The following EFCAB13 variants were observed in gnomAD, a reference collection of about 807,000 sequenced individuals.
EFCAB13 encodes EF-hand calcium-binding domain-containing protein 13.
A neutral mutation model predicts 110.2 loss-of-function variants in EFCAB13; 91 were observed. The ratio of observed to expected loss-of-function variants is 0.83; its 90% CI spans 0.70 to 0.98. EFCAB13 has a LOEUF of 0.98. Ranked by LOEUF, EFCAB13 falls within the 50% of genes least tolerant of loss-of-function variation. EFCAB13 has a pLI of 0.00. For synonymous variants in EFCAB13, 323 were observed against 369.9 expected (o/e 0.87, Z 1.45); for missense variants, 968 against 1,119.4 (o/e 0.86, Z 1.93).
rs139343555 is a variant in EFCAB13 at position 47,392,238 on chromosome 17, G to A, written c.1726+658G>A. On this transcript the variant is annotated intron_variant, in intron 15 of 24. Coordinates refer to ENST00000331493, the MANE Select transcript of EFCAB13 (RefSeq NM_152347.5). ...ACCTGTATAGAGAAAATAAGACTAT[G>A]TGAAGACATTAAAATCTAGATAAAT... Among the ~76,000 whole-genome samples, 653 of 152,264 alleles carry A rather than the reference G, an allele frequency of 4.3e-3. 19 individuals are homozygous for A. In the East Asian group the frequency reaches 0.065, roughly 15 times the overall value.
chr17:47,339,699 C>CAAA (rs60578114), intron 5 of EFCAB13, among the ~76,000 whole-genome samples: 870 of 77,312 alleles, frequency 0.011, 7 homozygotes, highest in African/African-American at 0.038. Context: ...GACTCCATCT[C>CAAA]AAAAAAAAAA....
chr17:47,361,268 C>T, intron 9 of EFCAB13, 110 bp from the exon 10 acceptor site: 1 of 932,496 alleles, frequency 1.1e-6, no homozygotes. Context: ...ATTTATAAAA[C>T]CCTGTGCTTA....
chr17:47,352,394 G>A (rs953341281), intron 9 of EFCAB13, among the ~76,000 whole-genome samples: 2 of 151,990 alleles, frequency 1.3e-5, no homozygotes, highest in Non-Finnish European at 2.9e-5. Context: ...CAAAGATCAG[G>A]TGGCTATAGA....
intron 14 of EFCAB13, among the ~76,000 whole-genome samples, chr17:47,384,171 T>G (rs1478550303): frequency 1.3e-5 from 2 of 150,812 alleles, no homozygotes; most frequent in Non-Finnish European, 2.9e-5. Flanking sequence ...TTTTTTTTTT[T>G]GCTTTCCATT....
chr17:47,418,816 C>T (rs1904536595), intron 23 of EFCAB13, among the ~76,000 whole-genome samples: 1 of 152,078 alleles, frequency 6.6e-6, no homozygotes, highest in South Asian at 2.1e-4. Flanking sequence ...GTTCTTTCTC[C>T]ACTGAATGAT....
chr17:47,345,436 A>G (rs1410976446), intron 8 of EFCAB13, among the ~76,000 whole-genome samples: 1 of 152,122 alleles, frequency 6.6e-6, no homozygotes, highest in Non-Finnish European at 1.5e-5. Flanking sequence ...TTGGTATCTT[A>G]GTATTAAGGC....
chr17:47,431,043 T>C lies in EFCAB13; in HGVS notation c.2638+1082T>C, dbSNP rs1336131619. Among the ~76,000 whole-genome samples the C allele has an allele frequency of 6.6e-6, 1 of 152,112 alleles. No homozygotes were observed. The highest frequency in any genetic ancestry group is 1.5e-5 in the Non-Finnish European group (1 of 67,966). Reference sequence around the variant, plus strand: ...GTGATATTTTGATACAAGTATTCAATATATAATGATCAAATCAGGATAGTT... The same window carrying C: ...GTGATATTTTGATACAAGTATTCAACATATAATGATCAAATCAGGATAGTT... On this transcript the variant is annotated intron_variant, in intron 24 of 24. Coordinates refer to ENST00000331493, the MANE Select transcript of EFCAB13 (RefSeq NM_152347.5). This position sits in a 1 kb window ranked among gnomAD's most constrained non-coding sequence, Gnocchi z 4.1.
In EFCAB13 at chr17:47,332,231, TGTCA is replaced by T. The variant is rs1242866348; in HGVS notation, c.31-2962_31-2959del. ...TCACATCCTTGCCAGCATTTGTTGT[TGTCA>T]GTGTTTTGGGTTATTGCCATTCTTT... On this transcript the variant is annotated intron_variant, in intron 4 of 24. Coordinates refer to ENST00000331493, the MANE Select transcript of EFCAB13 (RefSeq NM_152347.5). 2.0e-5 allele frequency among the ~76,000 whole-genome samples: 3 copies of T among 152,280 alleles called. No individual in the cohort carries two copies. In the East Asian group the frequency reaches 5.8e-4, roughly 29 times the overall value.
chr17:47,389,333 C>T (rs1352011628), intron 14 of EFCAB13, among the ~76,000 whole-genome samples: 2 of 152,296 alleles, frequency 1.3e-5, no homozygotes, highest in African/African-American at 4.8e-5. Context: ...ACTGTACTCC[C>T]AAGCGTATAG....
At chr17:47,376,289 C>T (rs893547354) in intron 12 of EFCAB13, among the ~76,000 whole-genome samples, 5 of 152,078 alleles carry the variant, frequency 3.3e-5, no homozygotes, top group African/African-American at 1.2e-4. Flanking sequence ...CTACTTTGTG[C>T]CTCATTTGAA....
intron 10 of EFCAB13, among the ~76,000 whole-genome samples, chr17:47,366,923 T>G (rs191562009): frequency 1.3e-3 from 191 of 152,334 alleles, no homozygotes; most frequent in African/African-American, 4.3e-3. Flanking sequence ...GAAGAGCAGG[T>G]AAAAGCAAGA....
intron 4 of EFCAB13, among the ~76,000 whole-genome samples, chr17:47,333,284 A>G (rs2065330568): frequency 6.6e-6 from 1 of 152,038 alleles, no homozygotes; most frequent in Non-Finnish European, 1.5e-5. Context: ...TTGATTGGAT[A>G]GTTTGTTTTC....
At chr17:47,341,288 G>A (rs2065383091) in intron 5 of EFCAB13, 2 of 152,206 alleles carry the variant, frequency 1.3e-5, no homozygotes, top group South Asian at 4.2e-4. Flanking sequence ...TGACATTTAC[G>A]AGACAACTGG....
intron 23 of EFCAB13, among the ~76,000 whole-genome samples, chr17:47,420,215 C>G (rs539183860): frequency 3.2e-4 from 48 of 152,352 alleles, no homozygotes; most frequent in Middle Eastern, 3.4e-3. Context: ...TCCCAAGGTG[C>G]CGGGGTTGCA....
At chr17:47,411,230 T>C (rs942242463) in intron 21 of EFCAB13, among the ~76,000 whole-genome samples, 1 of 152,236 alleles carries the variant, frequency 6.6e-6, no homozygotes, top group African/African-American at 2.4e-5. Context: ...AGACTCACCG[T>C]TTATCATTTC....
intron 2 of EFCAB13, among the ~76,000 whole-genome samples, 194 bp from the exon 3 acceptor site, chr17:47,326,032 C>G (rs2065284342): frequency 6.8e-6 from 1 of 147,284 alleles, no homozygotes; most frequent in African/African-American, 2.5e-5. Flanking sequence ...ACTAAGCATG[C>G]AGACATATAC....
At position 47,431,664 on chromosome 17, in the gene EFCAB13, G is replaced by A. The variant is rs1905117905; in HGVS notation, c.2638+1703G>A. Among the ~76,000 whole-genome samples the A allele has an allele frequency of 6.6e-6, 1 of 152,086 alleles. No individual in the cohort carries two copies. ...CTCTGATTTTAGTCTTTTGAAGTTT[G>A]TTGAGGCTTGATTTATTGACTATGA... On this transcript the variant is annotated intron_variant, in intron 24 of 24. Transcript: ENST00000331493. The surrounding 1 kb of genome is among the most constrained non-coding windows in gnomAD (Gnocchi z 4.1).
intron 17 of EFCAB13, among the ~76,000 whole-genome samples, chr17:47,398,860 A>T (rs1467151504): frequency 1.3e-5 from 2 of 152,130 alleles, no homozygotes; most frequent in Non-Finnish European, 2.9e-5. Context: ...AAAATAAATA[A>T]ATAAATAAAT....
At chr17:47,365,442 C>G (rs575470604) in intron 10 of EFCAB13, among the ~76,000 whole-genome samples, 2 of 152,226 alleles carry the variant, frequency 1.3e-5, no homozygotes, top group South Asian at 4.2e-4. Context: ...TTAAAACATA[C>G]TGAGAAACAC....
Sources: allele counts gnomAD v4.1 joint callset (sites outside exome capture counted in the v4.1 genomes callset), GRCh38; gene constraint gnomAD v4.1.1; non-coding constraint Gnocchi (gnomAD v3.1); transcripts MANE v1.5; gene names NCBI Gene and HGNC (gene_info 2026-07-23, HGNC 2026-07-21).